Variants in PIP5K1A observed in about 807,000 individuals in gnomAD.
PIP5K1A encodes the protein phosphatidylinositol-4-phosphate 5-kinase type 1 alpha.
Under a neutral mutation model 72.9 loss-of-function variants are expected in PIP5K1A, and 46 were observed. The observed-to-expected ratio is 0.63, with a 90% CI of 0.50 to 0.81. The LOEUF is 0.81. PIP5K1A is among the 30% of genes least tolerant of loss of function. The pLI is 0.00. For missense variants in PIP5K1A, 458 were observed against 706.1 expected (o/e 0.65, Z 3.98); for synonymous variants, 228 against 255.1 (o/e 0.89, Z 1.01).
In PIP5K1A at chr1:151,232,259, A is replaced by G; in HGVS notation, c.380A>G (p.Asn127Ser). 1.9e-6 allele frequency: 3 copies of G among 1,611,900 alleles called. No individual in the cohort carries two copies. The highest frequency in any genetic ancestry group is 1.7e-5 in the Admixed American group (1 of 59,998). Residue 127 changes from asparagine to serine, a missense_variant, in exon 6 of 16, where the codon AAC becomes AGC. Asn to Ser is a conservative substitution (Grantham distance 46). This residue lies in a region of PIP5K1A where 220 missense variants were observed against 442.6 expected (regional missense o/e 0.50). Coordinates refer to ENST00000368888, the MANE Select transcript of PIP5K1A (RefSeq NM_001135638.2). Reference sequence around the variant, plus strand: ...GTTTAACCCCACAGTGAAGGGAGCAACCTGACCCCTGCTCATCACTACAAT... The same window carrying G: ...GTTTAACCCCACAGTGAAGGGAGCAGCCTGACCCCTGCTCATCACTACAAT... ...ESIFFPSEGSNLTPAHHYNDF... is the reference protein window; with the variant it reads ...ESIFFPSEGSSLTPAHHYNDF...
intron 14 of PIP5K1A, among the ~76,000 whole-genome samples, chr1:151,245,059 C>T (rs974208112): frequency 6.6e-5 from 10 of 151,780 alleles, no homozygotes; most frequent in Non-Finnish European, 1.5e-4. Context: ...TTAATTTTAG[C>T]ATCGTTTGCT....
chr1:151,221,713 A>G (rs1688424579), intron 1 of PIP5K1A, among the ~76,000 whole-genome samples: 1 of 152,232 alleles, frequency 6.6e-6, no homozygotes, highest in South Asian at 2.1e-4. Context: ...GACACTAGAA[A>G]ACATTTTCTG....
chr1:151,198,132 C>G (rs745342771), upstream of PIP5K1A: 1 of 468,652 alleles, frequency 2.1e-6, no homozygotes. Context: ...GACATGCACG[C>G]ACGTTTAATC....
At chr1:151,215,571 G>C (rs1687473127) in intron 1 of PIP5K1A, among the ~76,000 whole-genome samples, 1 of 151,562 alleles carries the variant, frequency 6.6e-6, no homozygotes. Context: ...TTGACCTCAG[G>C]TGATCACGCC....
chr1:151,219,850 C>CGTTTTTT lies in PIP5K1A; in HGVS notation c.86-4395_86-4394insGTTTTTT, dbSNP rs1257084814. Among the ~76,000 whole-genome samples, 331 of 97,842 alleles carry CGTTTTTT rather than the reference C, an allele frequency of 3.4e-3. 3 individuals are homozygous for CGTTTTTT. The highest frequency in any genetic ancestry group is 0.012 in the African/African-American group (313 of 26,566). The allele number at this position is 97,842 out of a possible 152,430, so 64.2% of individuals were successfully genotyped here. On this transcript the variant is annotated intron_variant, in intron 1 of 15. Coordinates refer to ENST00000368888, the MANE Select transcript of PIP5K1A (RefSeq NM_001135638.2). ...TAAACCCTGTCCTTACATATTCTTT[C>CGTTTTTT]CTTTTTTTTTTTTTTTTTTTTGCCG...
At chr1:151,204,676 A>G (rs1685689561) in intron 1 of PIP5K1A, among the ~76,000 whole-genome samples, 1 of 152,246 alleles carries the variant, frequency 6.6e-6, no homozygotes, top group African/African-American at 2.4e-5. Flanking sequence ...TTTTATAAAT[A>G]GGGAGATATT....
At chr1:151,222,132 A>G (rs140909540) in intron 1 of PIP5K1A, among the ~76,000 whole-genome samples, 7 of 152,244 alleles carry the variant, frequency 4.6e-5, no homozygotes, top group African/African-American at 1.7e-4. Flanking sequence ...TTTGATATAG[A>G]TACGATATTT....
At chr1:151,200,097 C>T (rs587613781) in intron 1 of PIP5K1A, among the ~76,000 whole-genome samples, 14 of 151,712 alleles carry the variant, frequency 9.2e-5, no homozygotes, top group African/African-American at 3.1e-4. Flanking sequence ...ACCTTAAAAA[C>T]AGATGGGAAA....
At chr1:151,208,324 T>C (rs1218441371) in intron 1 of PIP5K1A, among the ~76,000 whole-genome samples, 1 of 151,876 alleles carries the variant, frequency 6.6e-6, no homozygotes, top group African/African-American at 2.4e-5. Context: ...AGAAACAAAA[T>C]TTAGCTTTTC....
intron 1 of PIP5K1A, 124 bp downstream of exon 1, chr1:151,199,205 G>C: frequency 1.9e-6 from 3 of 1,549,800 alleles, no homozygotes; most frequent in Non-Finnish European, 2.6e-6. Flanking sequence ...GGCGCGAGCT[G>C]GGCTTTCAAA....
chr1:151,199,028 C>G lies in PIP5K1A; in HGVS notation c.32C>G (p.Ser11Trp). 1 of 1,614,178 alleles carries G rather than the reference C, an allele frequency of 6.2e-7. No individual in the cohort carries two copies. Among genetic ancestry groups the G allele is most frequent in the South Asian group, 1.1e-5 (1 of 91,082 alleles). The change falls in exon 1 of 16, where the codon TCG becomes TGG. Residue 11 changes from serine to tryptophan, a missense_variant. Transcript: ENST00000368888. The stretch of plus-strand genomic sequence containing the variant: ...TCGGCCTCCTCCGGGCCGTCGTCTT[C>G]GGTCGGTTTTTCATCCTTTGATCCC... MASASSGPSS[S>W]VGFSSFDPAV... is the part of the protein sequence containing the mutation.
intron 3 of PIP5K1A, among the ~76,000 whole-genome samples, chr1:151,224,909 C>T (rs1688885894): frequency 6.6e-6 from 1 of 152,160 alleles, no homozygotes; most frequent in African/African-American, 2.4e-5. Context: ...CCTCAGAATG[C>T]AGGCCCTTTT....
Position 151,242,622 on chromosome 1 carries a change from G to A in PIP5K1A, c.1640+55G>A, listed in dbSNP as rs999522555. On this transcript the variant is annotated intron_variant, in intron 14 of 15. Transcript: ENST00000368888. Reference sequence around the variant, plus strand: ...ATCTTATCTCTCTTTTCAAGTCCTTGGAAACCTCTATAATTTGATTGCATC... The same window carrying A: ...ATCTTATCTCTCTTTTCAAGTCCTTAGAAACCTCTATAATTTGATTGCATC... 18 of 1,458,776 alleles carry A rather than the reference G, an allele frequency of 1.2e-5. 1 individual carries two copies. Among genetic ancestry groups the A allele is most frequent in the African/African-American group, 4.2e-5 (3 of 70,838 alleles). 90.4% of individuals were successfully genotyped at this position (1,458,776 alleles called of 1,614,324 possible).
intron 1 of PIP5K1A, among the ~76,000 whole-genome samples, chr1:151,220,091 T>C (rs1688205826): frequency 1.3e-5 from 2 of 152,018 alleles, no homozygotes; most frequent in South Asian, 4.1e-4. Flanking sequence ...CTGCAATCTC[T>C]GTCTCCCAGG....
At chr1:151,246,241 G>A (rs1277463821) in intron 14 of PIP5K1A, among the ~76,000 whole-genome samples, 1 of 152,096 alleles carries the variant, frequency 6.6e-6, no homozygotes, top group Non-Finnish European at 1.5e-5. Flanking sequence ...AGCGAGATCT[G>A]TCTCAAAAAG....
chr1:151,234,595 A>G (rs1690586370), intron 8 of PIP5K1A, 99 bp downstream of exon 8: 1 of 890,360 alleles, frequency 1.1e-6, no homozygotes, highest in Non-Finnish European at 1.9e-6. Context: ...GTTCCTTAGC[A>G]CTGTATGTCC....
upstream of PIP5K1A, among the ~76,000 whole-genome samples, chr1:151,197,267 G>T (rs994987809): frequency 6.6e-6 from 1 of 150,696 alleles, no homozygotes; most frequent in Non-Finnish European, 1.5e-5. Flanking sequence ...TACAAAACCT[G>T]TTTTTTTTGT....
intron 1 of PIP5K1A, among the ~76,000 whole-genome samples, chr1:151,201,616 A>G (rs1483212267): frequency 1.3e-5 from 2 of 152,036 alleles, no homozygotes; most frequent in African/African-American, 2.4e-5. Context: ...TCGGCCTCCA[A>G]AAATGCTGGG....
Position 151,198,746 on chromosome 1 carries a change from C to T in PIP5K1A, c.-251C>T, listed in dbSNP as rs1684777483. On this transcript the variant is annotated 5_prime_UTR_variant, in exon 1 of 16. Transcript: ENST00000368888. ...ACTCTTCTGTGAAAGGGGAAAGTAT[C>T]CCCTGTGGAAAGCGGTTAAACTTGT... 1.7e-6 allele frequency: 1 copy of T among 575,996 alleles called. No individual in the cohort carries two copies. 35.7% of individuals were successfully genotyped at this position (575,996 alleles called of 1,614,324 possible).
Sources: gnomAD v4.1 joint callset for allele counts (sites outside exome capture counted in the v4.1 genomes callset) on GRCh38, gnomAD v4.1.1 for gene constraint, gnomAD v4.1.1 regional missense constraint, MANE v1.5 for transcripts, NCBI Gene and HGNC (gene_info 2026-07-23, HGNC 2026-07-21) for gene names.